CAMTA1: variants seen among roughly 807,000 people sequenced by gnomAD.
The protein encoded by CAMTA1 is calmodulin-binding transcription activator 1.
Under a neutral mutation model 170.9 loss-of-function variants are expected in CAMTA1, and 27 were observed. The observed-to-expected ratio is 0.16, with a 90% CI of 0.12 to 0.22. The LOEUF (loss-of-function observed/expected upper bound fraction) is 0.22, where lower values mean the gene tolerates loss of function less well. Among genes scored for constraint, CAMTA1 ranks in the 10% least tolerant of loss-of-function variants. CAMTA1 has a pLI of 1.00. For missense variants in CAMTA1, 1,619 were observed against 2,217.2 expected, an observed-to-expected ratio of 0.73 and a Z score of 5.42; for synonymous variants, 833 against 891.5, an observed-to-expected ratio of 0.93 and a Z score of 1.17.
At chr1:7,169,138 C>A (rs996483469) in intron 4 of CAMTA1, among the ~76,000 whole-genome samples, 1 of 152,060 alleles carries the variant, frequency 6.6e-6, no homozygotes, top group African/African-American at 2.4e-5. Context: ...AGGATAAACC[C>A]AACTTGTTCA....
intron 4 of CAMTA1, among the ~76,000 whole-genome samples, chr1:7,181,233 T>C (rs868841742): frequency 1.5e-4 from 23 of 152,152 alleles, no homozygotes; most frequent in African/African-American, 5.6e-4. Context: ...TAGGAATAAA[T>C]AGATGCTTTT....
At chr1:7,040,882 T>C (rs1704343168) in intron 3 of CAMTA1, among the ~76,000 whole-genome samples, 2 of 152,080 alleles carry the variant, frequency 1.3e-5, no homozygotes, top group African/African-American at 4.8e-5. Context: ...TGCACCACCA[T>C]ACCCAGCTAA....
chr1:7,309,060 A>G (rs1296319356), intron 5 of CAMTA1, among the ~76,000 whole-genome samples: 1 of 152,098 alleles, frequency 6.6e-6, no homozygotes, highest in African/African-American at 2.4e-5. Flanking sequence ...TCTTTTTATC[A>G]TGGTAATTTT....
intron 4 of CAMTA1, among the ~76,000 whole-genome samples, chr1:7,123,405 C>T (rs1431888799): frequency 2.6e-5 from 4 of 152,130 alleles, no homozygotes; most frequent in Non-Finnish European, 5.9e-5. Flanking sequence ...TTGTCTTGAT[C>T]ATCCGCGAAG....
intron 5 of CAMTA1, among the ~76,000 whole-genome samples, chr1:7,353,892 G>C (rs565567467): frequency 6.6e-6 from 1 of 151,890 alleles, no homozygotes; most frequent in African/African-American, 2.4e-5. Flanking sequence ...GTACTTTTTC[G>C]ATCCTCACCT....
intron 5 of CAMTA1, among the ~76,000 whole-genome samples, chr1:7,375,020 G>A (rs758945219): frequency 8.5e-5 from 13 of 152,166 alleles, no homozygotes; most frequent in Non-Finnish European, 1.9e-4. Context: ...CTAACCTGGT[G>A]GATGCGATAA....
At chr1:7,624,111 T>C (rs1178922033) in intron 6 of CAMTA1, among the ~76,000 whole-genome samples, 2 of 152,246 alleles carry the variant, frequency 1.3e-5, no homozygotes, top group Non-Finnish European at 2.9e-5. Context: ...TCAGCCCAGC[T>C]TCTGTTTTCT....
intron 5 of CAMTA1, among the ~76,000 whole-genome samples, chr1:7,401,289 T>C (rs1402147072): frequency 2.0e-5 from 3 of 152,252 alleles, no homozygotes. Context: ...TTGAATTGCC[T>C]TTGCACTTTT....
intron 5 of CAMTA1, among the ~76,000 whole-genome samples, chr1:7,402,148 T>C (rs2089948396): frequency 6.6e-6 from 1 of 152,222 alleles, no homozygotes; most frequent in Admixed American, 6.5e-5. Context: ...TGTGGGTTTT[T>C]TCCTAATCCA....
At chr1:7,541,757 C>T (rs1349962141) in intron 6 of CAMTA1, among the ~76,000 whole-genome samples, 1 of 152,238 alleles carries the variant, frequency 6.6e-6, no homozygotes, top group Non-Finnish European at 1.5e-5. Context: ...CCAGGCTCAG[C>T]TTGCAGGCAC....
intron 22 of CAMTA1, among the ~76,000 whole-genome samples, chr1:7,764,137 C>T (rs1330313135): frequency 6.6e-6 from 1 of 151,778 alleles, no homozygotes; most frequent in Non-Finnish European, 1.5e-5. Context: ...GTATGCATGT[C>T]CAAAATTAGG....
chr1:7,101,844 C>T (rs1190945307), intron 4 of CAMTA1, among the ~76,000 whole-genome samples: 1 of 152,206 alleles, frequency 6.6e-6, no homozygotes, highest in Non-Finnish European at 1.5e-5. Context: ...TAGGCACATA[C>T]ACACATATGC....
intron 6 of CAMTA1, among the ~76,000 whole-genome samples, chr1:7,563,218 C>G (rs989019232): frequency 2.0e-5 from 3 of 152,226 alleles, no homozygotes; most frequent in African/African-American, 7.2e-5. Flanking sequence ...TGGGGGCAAG[C>G]GGCCACAGAG....
rs185310216 is a variant in CAMTA1 at position 6,899,746 on chromosome 1, A to C, written c.234+74536A>C. ...ATACTGTAGATATGACTGAGGACTT[A>C]AGTTATATAAGGTTGTGGAATGGAA... is the stretch of plus-strand genomic sequence containing the variant. On this transcript the variant is annotated intron_variant, in intron 3 of 22. Coordinates refer to ENST00000303635, the MANE Select transcript of CAMTA1 (RefSeq NM_015215.4). 1.3e-3 allele frequency among the ~76,000 whole-genome samples: 192 copies of C among 152,336 alleles called. No individual in the cohort carries two copies. The Middle Eastern group carries it at 0.014, about 11-fold the overall frequency.
intron 3 of CAMTA1, among the ~76,000 whole-genome samples, chr1:7,074,493 G>A (rs948792481): frequency 6.6e-6 from 1 of 152,178 alleles, no homozygotes; most frequent in Non-Finnish European, 1.5e-5. Context: ...ATGTTTTAGT[G>A]AATTTGCTTC....
At chr1:7,551,173 C>G (rs2094796514) in intron 6 of CAMTA1, among the ~76,000 whole-genome samples, 1 of 152,122 alleles carries the variant, frequency 6.6e-6, no homozygotes, top group Admixed American at 6.5e-5. Context: ...CCCTAGCCAC[C>G]CTGGGGCTTC....
In CAMTA1 at chr1:7,736,204, C is replaced by T; in HGVS notation, c.3067-140C>T. 1 of 779,354 alleles carries T rather than the reference C, an allele frequency of 1.3e-6. No homozygotes were observed. Among genetic ancestry groups the T allele is most frequent in the Non-Finnish European group, 2.0e-6 (1 of 489,166 alleles). 48.3% of individuals were successfully genotyped at this position (779,354 alleles called of 1,614,324 possible). ...TCAGGCATGATCCAGCATGCCCAGC[C>T]AATGTTTCTTTATTTTCAGTGTTTT... On this transcript the variant is annotated intron_variant, in intron 12 of 22. Transcript: ENST00000303635. The surrounding 1 kb of genome is among the most constrained non-coding windows in gnomAD (Gnocchi z 4.5).
At chr1:7,033,901 A>C (rs1572578544) in intron 3 of CAMTA1, among the ~76,000 whole-genome samples, 1 of 97,314 alleles carries the variant, frequency 1.0e-5, no homozygotes, top group South Asian at 3.2e-4. Context: ...GCCTATTCTT[A>C]TAAATATTCT....
chr1:7,625,900 G>C (rs12090559), intron 6 of CAMTA1, among the ~76,000 whole-genome samples: 2 of 152,216 alleles, frequency 1.3e-5, no homozygotes, highest in African/African-American at 4.8e-5. Flanking sequence ...TACCCGAGGA[G>C]GCTTACAGGT....
Sources: allele counts gnomAD v4.1 joint callset (sites outside exome capture counted in the v4.1 genomes callset), GRCh38; gene constraint gnomAD v4.1.1; non-coding constraint Gnocchi (gnomAD v3.1); transcripts MANE v1.5; gene names NCBI Gene and HGNC (gene_info 2026-07-23, HGNC 2026-07-21).